ATP10B: variants seen among roughly 807,000 people sequenced by gnomAD.
The protein encoded by ATP10B is phospholipid-transporting ATPase VB.
Under a neutral mutation model 141.2 loss-of-function variants are expected in ATP10B, and 122 were observed. The observed-to-expected ratio is 0.86, with a 90% confidence interval of 0.75 to 1.00. The LOEUF (loss-of-function observed/expected upper bound fraction) is 1.00. ATP10B is among the 50% of genes least tolerant of loss of function. The probability of loss-of-function intolerance (pLI) is 0.00; values close to 1 mark genes in which losing one functional copy is unlikely to be tolerated. For missense variants in ATP10B, 1,876 were observed against 1,825.3 expected (o/e 1.03, Z -0.51); for synonymous variants, 685 against 692.0 (o/e 0.99, Z 0.16).
intron 1 of ATP10B, among the ~76,000 whole-genome samples, chr5:160,813,526 C>A (rs576551574): frequency 2.7e-4 from 41 of 152,314 alleles, no homozygotes; most frequent in Middle Eastern, 3.4e-3. Context: ...TCAAGGAGGC[C>A]TGCCTGCCTT....
intron 25 of ATP10B, among the ~76,000 whole-genome samples, chr5:160,566,760 A>G (rs1367830329): frequency 1.3e-5 from 2 of 152,254 alleles, no homozygotes; most frequent in Non-Finnish European, 2.9e-5. Flanking sequence ...GGCAACTCAC[A>G]TCCACTTTCC....
At chr5:160,810,629 T>C (rs188440589) in intron 1 of ATP10B, among the ~76,000 whole-genome samples, 1 of 152,226 alleles carries the variant, frequency 6.6e-6, no homozygotes, top group Non-Finnish European at 1.5e-5. Flanking sequence ...AATTTTCATA[T>C]GCTTGACCTT....
intron 24 of ATP10B, among the ~76,000 whole-genome samples, chr5:160,584,589 C>G (rs1383281445): frequency 6.6e-6 from 1 of 152,034 alleles, no homozygotes; most frequent in Non-Finnish European, 1.5e-5. Context: ...TCTTAAGATA[C>G]TAAAAAAACT....
At chr5:160,742,425 C>A (rs1388312540) in intron 2 of ATP10B, among the ~76,000 whole-genome samples, 1 of 151,626 alleles carries the variant, frequency 6.6e-6, no homozygotes, top group South Asian at 2.1e-4. Flanking sequence ...GTCCTCTGAA[C>A]CCTTCCTCAG....
intron 5 of ATP10B, among the ~76,000 whole-genome samples, chr5:160,687,225 AT>A (rs1208544577): frequency 2.6e-5 from 4 of 152,228 alleles, no homozygotes; most frequent in Admixed American, 2.6e-4. Flanking sequence ...TAAAAAACTA[AT>A]GTCTGTCTCT....
chr5:160,795,658 A>C (rs966450730), intron 1 of ATP10B, among the ~76,000 whole-genome samples: 1 of 151,930 alleles, frequency 6.6e-6, no homozygotes, highest in Non-Finnish European at 1.5e-5. Context: ...TAGATTATTC[A>C]GGTGGGTCCT....
At chr5:160,685,240 T>G (rs1763678990) in intron 6 of ATP10B, 1 of 562,340 alleles carries the variant, frequency 1.8e-6, no homozygotes, top group Non-Finnish European at 3.1e-6. Flanking sequence ...ATGTTGTCTT[T>G]TTAATTCTCA....
the ATP10B span, among the ~76,000 whole-genome samples, chr5:160,883,072 T>A: frequency 6.6e-6 from 1 of 152,114 alleles, no homozygotes; most frequent in East Asian, 1.9e-4. Context: ...GAAAAGCAAG[T>A]TTTAAGGGAT....
intron 2 of ATP10B, among the ~76,000 whole-genome samples, chr5:160,755,827 AAAAAAAAAAAAATATATATATAT>A (rs1480437621): frequency 3.1e-5 from 2 of 63,698 alleles, no homozygotes; most frequent in African/African-American, 1.7e-4. Flanking sequence ...AAAAAAAAAA[AAAAAAAAAAAAATATATATATAT>A]ATATATATAT....
rs1156340375 is a variant in ATP10B at position 160,658,872 on chromosome 5, T to G, written c.676-9616A>C. 2.6e-5 allele frequency among the ~76,000 whole-genome samples: 4 copies of G among 152,308 alleles called. No homozygotes were observed. In the East Asian group the frequency reaches 7.7e-4, roughly 29 times the overall value. On this transcript the variant is annotated intron_variant, in intron 7 of 25. Coordinates refer to ENST00000327245, the MANE Select transcript of ATP10B (RefSeq NM_025153.3). ...AACCTGAGGTCCAACCCACCCCATA[T>G]TTTTCTAATAAATTTAATTTTTTGT...
At chr5:160,910,119 T>C in the ATP10B span, among the ~76,000 whole-genome samples, 24,334 of 151,794 alleles carry the variant, frequency 0.16, 2,317 homozygotes, top group East Asian at 0.35. Flanking sequence ...CCTAGTCCAC[T>C]AAGCTGCATC....
intron 1 of ATP10B, among the ~76,000 whole-genome samples, chr5:160,795,351 A>G (rs1279274263): frequency 6.6e-6 from 1 of 152,178 alleles, no homozygotes; most frequent in African/African-American, 2.4e-5. Context: ...AGACTGGAGT[A>G]GAGAGAAGTC....
intron 24 of ATP10B, among the ~76,000 whole-genome samples, chr5:160,578,928 T>C (rs1684666338): frequency 6.6e-6 from 1 of 152,258 alleles, no homozygotes. Context: ...ATTTCTCTAA[T>C]GACCAGTGAT....
chr5:160,773,475 C>G (rs1201771220), intron 2 of ATP10B, among the ~76,000 whole-genome samples: 2 of 152,166 alleles, frequency 1.3e-5, no homozygotes, highest in African/African-American at 4.8e-5. Flanking sequence ...TAATTTCCAG[C>G]TGTGTTGGAA....
At chr5:160,883,894 C>G in the ATP10B span, among the ~76,000 whole-genome samples, 1 of 152,112 alleles carries the variant, frequency 6.6e-6, no homozygotes, top group African/African-American at 2.4e-5. Context: ...AATCAGTGAA[C>G]TAAATGTCTT....
At chr5:160,631,489 T>A (rs1359275446) in intron 13 of ATP10B, among the ~76,000 whole-genome samples, 1 of 152,232 alleles carries the variant, frequency 6.6e-6, no homozygotes, top group African/African-American at 2.4e-5. Flanking sequence ...CCGAAGGGAA[T>A]TAGTTAAGGG....
chr5:160,873,602 C>T, the ATP10B span, among the ~76,000 whole-genome samples: 1 of 152,212 alleles, frequency 6.6e-6, no homozygotes, highest in Admixed American at 6.5e-5. Context: ...CGGGTGATTT[C>T]TGCATTTCCA....
At chr5:160,706,069 T>C (rs1764995536) in intron 3 of ATP10B, among the ~76,000 whole-genome samples, 1 of 152,158 alleles carries the variant, frequency 6.6e-6, no homozygotes, top group Admixed American at 6.5e-5. Context: ...GACACACACA[T>C]TTAGAGATTA....
chr5:160,864,802 C>A, the ATP10B span, among the ~76,000 whole-genome samples: 1 of 151,844 alleles, frequency 6.6e-6, no homozygotes, highest in Non-Finnish European at 1.5e-5. Context: ...AAATCGAAAA[C>A]TCAATCCCTT....
Sources: gnomAD v4.1 joint callset for allele counts (sites outside exome capture counted in the v4.1 genomes callset) on GRCh38, gnomAD v4.1.1 for gene constraint, MANE v1.5 for transcripts, NCBI Gene and HGNC (gene_info 2026-07-23, HGNC 2026-07-21) for gene names.